MIB1: variants seen among roughly 807,000 people sequenced by gnomAD.
MIB1 encodes the protein MIB E3 ubiquitin protein ligase 1.
In MIB1, 278 loss-of-function variants were observed where a neutral mutation model predicts 124.5. The ratio of observed to expected loss-of-function variants is 2.23; its 90% CI spans 2.02 to 2.47. The LOEUF (loss-of-function observed/expected upper bound fraction) is 2.47. Among genes scored for constraint, MIB1 ranks in the 30% most tolerant of loss-of-function variants. MIB1 has a pLI of 0.00. For missense variants in MIB1, 957 were observed against 1,254.4 expected (o/e 0.76, Z 3.58); for synonymous variants, 446 against 429.4 (o/e 1.04, Z -0.48).
chr18:21,839,536 ACT>A (rs1244152526), intron 13 of MIB1, among the ~76,000 whole-genome samples: 1 of 152,044 alleles, frequency 6.6e-6, no homozygotes, highest in African/African-American at 2.4e-5. Context: ...ACTGGGTCTC[ACT>A]CTGTCACCCA....
chr18:21,865,404 A>G lies in MIB1; in HGVS notation c.*738A>G, dbSNP rs141988839. 2.0e-5 allele frequency: 3 copies of G among 152,304 alleles called. No individual in the cohort carries two copies. The East Asian group carries it at 5.8e-4, about 29-fold the overall frequency. 9.4% of individuals were successfully genotyped at this position (152,304 alleles called of 1,614,324 possible). ...GTGGGCAACTGAAGAGAAAAAAAAAACGAGTATCTATTAACTGGCCACTAA... is the reference window on the plus strand; with the variant it reads ...GTGGGCAACTGAAGAGAAAAAAAAAGCGAGTATCTATTAACTGGCCACTAA... On this transcript the variant is annotated 3_prime_UTR_variant, in exon 21 of 21. Transcript: ENST00000261537.
chr18:21,731,022 C>T (rs1175980821), intron 1 of MIB1, among the ~76,000 whole-genome samples: 2 of 152,276 alleles, frequency 1.3e-5, no homozygotes, highest in Admixed American at 6.5e-5. Context: ...TTACTTTCAC[C>T]TCCTGAGTGA....
chr18:21,800,329 A>AT (rs556415142), intron 9 of MIB1, among the ~76,000 whole-genome samples: 1 of 151,562 alleles, frequency 6.6e-6, no homozygotes, highest in African/African-American at 2.4e-5. Context: ...TTTTCTTTTT[A>AT]TTTTTAATTT....
chr18:21,844,004 C>A, intron 14 of MIB1, 88 bp from the exon 15 acceptor site: 5 of 1,180,474 alleles, frequency 4.2e-6, no homozygotes, highest in South Asian at 2.8e-5. Context: ...TTCAGTAGGT[C>A]CAGGGTGTTC....
At chr18:21,841,236 C>G (rs540282076) in intron 13 of MIB1, among the ~76,000 whole-genome samples, 1 of 152,104 alleles carries the variant, frequency 6.6e-6, no homozygotes, top group South Asian at 2.1e-4. Context: ...CGTGGTGGCA[C>G]GCACCTGTAG....
At chr18:21,825,512 T>C in intron 12 of MIB1, 3 of 308,748 alleles carry the variant, frequency 9.7e-6, no homozygotes, top group Non-Finnish European at 1.9e-5. Context: ...TTTGAAATCC[T>C]TAAGTCATCC....
At chr18:21,856,177 C>T (rs1363239027) in intron 18 of MIB1, among the ~76,000 whole-genome samples, 1 of 149,192 alleles carries the variant, frequency 6.7e-6, no homozygotes, top group Non-Finnish European at 1.5e-5. Flanking sequence ...TTGCAGTGAG[C>T]TGAGATTGCG....
At chr18:21,858,987 T>A (rs1365031016) in intron 20 of MIB1, among the ~76,000 whole-genome samples, 1 of 152,224 alleles carries the variant, frequency 6.6e-6, no homozygotes, top group Non-Finnish European at 1.5e-5. Context: ...CAGCCGTAAC[T>A]CATACACTGC....
At chr18:21,706,589 G>A (rs1210623517) in intron 1 of MIB1, among the ~76,000 whole-genome samples, 1 of 152,132 alleles carries the variant, frequency 6.6e-6, no homozygotes, top group African/African-American at 2.4e-5. Context: ...GTGGGTGTGG[G>A]CTCGGCGGGC....
At chr18:21,768,794 A>G (rs1284097514) in intron 3 of MIB1, 42 bp downstream of exon 3, 6 of 1,545,902 alleles carry the variant, frequency 3.9e-6, no homozygotes, top group South Asian at 3.7e-5. Flanking sequence ...CTAGAGTATT[A>G]TATGTTCAGA....
At chr18:21,775,207 A>C (rs2041269763) in intron 4 of MIB1, among the ~76,000 whole-genome samples, 1 of 151,610 alleles carries the variant, frequency 6.6e-6, no homozygotes, top group African/African-American at 2.4e-5. Flanking sequence ...GGCCTCCCAA[A>C]GTGCTGGGAT....
intron 1 of MIB1, among the ~76,000 whole-genome samples, chr18:21,764,867 T>A (rs2041139080): frequency 6.6e-6 from 1 of 152,192 alleles, no homozygotes; most frequent in South Asian, 2.1e-4. Context: ...AGTGTCACTT[T>A]TGGACAGATA....
At chr18:21,709,057 C>T (rs907040357) in intron 1 of MIB1, among the ~76,000 whole-genome samples, 4 of 152,166 alleles carry the variant, frequency 2.6e-5, no homozygotes, top group Admixed American at 6.6e-5. Context: ...TGGCTCACGC[C>T]TGTAATCCCA....
intron 10 of MIB1, among the ~76,000 whole-genome samples, chr18:21,806,283 C>G (rs1334033827): frequency 1.3e-5 from 2 of 151,826 alleles, no homozygotes; most frequent in Non-Finnish European, 2.9e-5. Context: ...TCACTGCAGC[C>G]TTGAATTCCC....
At chr18:21,850,480 A>C (rs2042171215) in intron 17 of MIB1, among the ~76,000 whole-genome samples, 3 of 152,156 alleles carry the variant, frequency 2.0e-5, no homozygotes, top group Admixed American at 2.0e-4. Flanking sequence ...GCTGGCAGGG[A>C]CTTAAAAGGT....
Position 21,773,625 on chromosome 18 carries a change from TAA to T in MIB1, c.534_535del (p.Thr179ArgfsTer12). ...TTTTCTCAAAAACTATTCTGTTAGG[TAA>T]CAGAAATCCAGGACTGGAGTGCATC... On this transcript the variant is annotated frameshift_variant and splice_region_variant, in exon 4 of 21. Transcript: ENST00000261537. LOFTEE classifies it high-confidence loss of function. The T allele has an allele frequency of 6.2e-7, 1 of 1,602,710 alleles. No individual in the cohort carries two copies. The highest frequency in any genetic ancestry group is 8.5e-7 in the Non-Finnish European group (1 of 1,175,338).
At chr18:21,724,967 C>T (rs376422740) in intron 1 of MIB1, among the ~76,000 whole-genome samples, 16 of 141,994 alleles carry the variant, frequency 1.1e-4, no homozygotes, top group Non-Finnish European at 2.2e-4. Context: ...TGGTTGCGGG[C>T]GCCTGTAGTC....
intron 1 of MIB1, among the ~76,000 whole-genome samples, chr18:21,762,836 C>T (rs2041113195): frequency 1.3e-5 from 2 of 152,022 alleles, no homozygotes; most frequent in Admixed American, 6.5e-5. Flanking sequence ...AAATGTTCCC[C>T]ATATACAGTC....
chr18:21,715,228 A>T (rs2040684191), intron 1 of MIB1, among the ~76,000 whole-genome samples: 1 of 152,336 alleles, frequency 6.6e-6, no homozygotes, highest in South Asian at 2.1e-4. Flanking sequence ...AGATCCTGGT[A>T]GACTTGCTGG....
Sources: gnomAD v4.1 joint callset for allele counts (sites outside exome capture counted in the v4.1 genomes callset) on GRCh38, gnomAD v4.1.1 for gene constraint, MANE v1.5 for transcripts, NCBI Gene and HGNC (gene_info 2026-07-23, HGNC 2026-07-21) for gene names.